BAIAP2L1: variants seen among roughly 807,000 people sequenced by gnomAD.
The protein encoded by BAIAP2L1 is BAR/IMD domain containing adaptor protein 2 like 1, also known as BAR/IMD domain-containing adapter protein 2-like 1.
A neutral mutation model predicts 66.3 loss-of-function variants in BAIAP2L1; 35 were observed. The ratio of observed to expected loss-of-function variants is 0.53; its 90% CI spans 0.40 to 0.70. The LOEUF is 0.70. BAIAP2L1 is among the 30% of genes least tolerant of loss of function. The pLI is 0.00. For synonymous variants in BAIAP2L1, 269 were observed against 248.7 expected (o/e 1.08, Z -0.77); for missense variants, 622 against 656.9 (o/e 0.95, Z 0.58).
intron 3 of BAIAP2L1, among the ~76,000 whole-genome samples, chr7:98,339,950 T>C (rs1801702632): frequency 6.6e-6 from 1 of 152,212 alleles, no homozygotes; most frequent in Admixed American, 6.5e-5. Flanking sequence ...GGCCCAGTTG[T>C]TGCAGCTCCT....
intron 3 of BAIAP2L1, among the ~76,000 whole-genome samples, chr7:98,348,857 T>A (rs1398553833): frequency 6.6e-6 from 1 of 152,132 alleles, no homozygotes; most frequent in East Asian, 1.9e-4. Context: ...TCACACAAGT[T>A]AACAGCAGGA....
At chr7:98,372,733 GTTTTTTTTT>G (rs34330041) in intron 1 of BAIAP2L1, among the ~76,000 whole-genome samples, 2 of 93,766 alleles carry the variant, frequency 2.1e-5, no homozygotes, top group African/African-American at 8.5e-5. Context: ...ATCGATTTTG[GTTTTTTTTT>G]TTTTTTTTTT....
At chr7:98,302,079 C>T (rs1244464542) in intron 12 of BAIAP2L1, among the ~76,000 whole-genome samples, 3 of 152,246 alleles carry the variant, frequency 2.0e-5, no homozygotes, top group East Asian at 3.9e-4. Flanking sequence ...ATCCAGCCAA[C>T]GAAGAGGTTT....
chr7:98,316,430 T>C (rs1224728879), intron 6 of BAIAP2L1, among the ~76,000 whole-genome samples: 2 of 152,186 alleles, frequency 1.3e-5, no homozygotes, highest in East Asian at 3.8e-4. Flanking sequence ...AGAGCCAGGA[T>C]AAAAAGCCCA....
At chr7:98,373,609 AC>A (rs1201301208) in intron 1 of BAIAP2L1, among the ~76,000 whole-genome samples, 16 of 152,170 alleles carry the variant, frequency 1.1e-4, no homozygotes, top group African/African-American at 3.6e-4. Context: ...GAATCATGAT[AC>A]TTTCTAGCTC....
At chr7:98,354,984 C>G (rs771458661) in intron 3 of BAIAP2L1, 58 bp downstream of exon 3, 31 of 1,343,378 alleles carry the variant, frequency 2.3e-5, no homozygotes, top group African/African-American at 5.8e-5. Flanking sequence ...CCACGCGTTT[C>G]TCTTGGGGTT....
chr7:98,317,124 A>T, intron 6 of BAIAP2L1, 95 bp downstream of exon 6: 1 of 1,506,322 alleles, frequency 6.6e-7, no homozygotes, highest in Non-Finnish European at 9.1e-7. Flanking sequence ...AAGTGCTGGG[A>T]TTACAGGCGT....
At chr7:98,390,556 G>A (rs570753112) in intron 1 of BAIAP2L1, among the ~76,000 whole-genome samples, 7 of 151,612 alleles carry the variant, frequency 4.6e-5, no homozygotes, top group South Asian at 2.1e-4. Flanking sequence ...GTGAAACCCC[G>A]TCTCTATTAA....
chr7:98,377,819 C>CAAA lies in BAIAP2L1; in HGVS notation c.52-15390_52-15388dup, dbSNP rs55633908. 8.8e-4 allele frequency among the ~76,000 whole-genome samples: 36 copies of CAAA among 40,778 alleles called. 4 individuals are homozygous for CAAA. The highest frequency in any genetic ancestry group is 2.2e-3 in the African/African-American group (18 of 8,058). The allele number at this position is 40,778 out of a possible 152,430, so 26.8% of individuals were successfully genotyped here. A position where few individuals can be genotyped will look rare whatever the true frequency, so the allele number is the denominator to read the frequency against. On this transcript the variant is annotated intron_variant, in intron 1 of 13. Transcript: ENST00000005260. The stretch of plus-strand genomic sequence containing the variant: ...TGGGCGACAGAGTGAGACTCAATCT[C>CAAA]AAAAAAAAAAAAAAAAAAAAAAAAA...
At chr7:98,395,249 C>T (rs1171452034) in intron 1 of BAIAP2L1, among the ~76,000 whole-genome samples, 1 of 151,914 alleles carries the variant, frequency 6.6e-6, no homozygotes, top group East Asian at 1.9e-4. Flanking sequence ...ACCAGCCTGA[C>T]CAACATGGTG....
At chr7:98,336,038 C>T (rs1002309356) in intron 3 of BAIAP2L1, among the ~76,000 whole-genome samples, 4 of 151,854 alleles carry the variant, frequency 2.6e-5, no homozygotes, top group Admixed American at 6.6e-5. Context: ...AGTGAATTAA[C>T]GCAGGAACAG....
chr7:98,311,097 T>C (rs545988933), intron 8 of BAIAP2L1, among the ~76,000 whole-genome samples: 14 of 152,244 alleles, frequency 9.2e-5, no homozygotes, highest in Non-Finnish European at 1.8e-4. Context: ...ACTACAAATG[T>C]GTGAATTCAT....
chr7:98,364,784 C>A (rs1444155692), intron 1 of BAIAP2L1, among the ~76,000 whole-genome samples: 1 of 150,886 alleles, frequency 6.6e-6, no homozygotes, highest in Non-Finnish European at 1.5e-5. Context: ...CAGGAGTTTG[C>A]GACCAACCTG....
In BAIAP2L1 at chr7:98,292,543, C is replaced by A; in HGVS notation, c.*978G>T. On this transcript the variant is annotated 3_prime_UTR_variant, in exon 14 of 14. Coordinates refer to ENST00000005260, the MANE Select transcript of BAIAP2L1 (RefSeq NM_018842.5). ...GCCAAAGATGATTTCCAGCCCCGGG[C>A]TCAGGGCAGCCAGTGCGTAGTCCTC... The A allele has an allele frequency of 8.3e-7, 1 of 1,211,586 alleles. No homozygotes were observed. Among genetic ancestry groups the A allele is most frequent in the Non-Finnish European group, 1.2e-6 (1 of 842,528 alleles). 75.1% of individuals were successfully genotyped at this position (1,211,586 alleles called of 1,614,324 possible). A position where few individuals can be genotyped will look rare whatever the true frequency, so the allele number is the denominator to read the frequency against.
At chr7:98,330,754 A>G (rs6948540) in intron 3 of BAIAP2L1, among the ~76,000 whole-genome samples, 61,295 of 152,056 alleles carry the variant, frequency 0.4, 13,331 homozygotes, top group Middle Eastern at 0.55. Flanking sequence ...CCCTCAGGAA[A>G]CTTCTACTCA....
chr7:98,335,614 T>C (rs1183910925), intron 3 of BAIAP2L1, among the ~76,000 whole-genome samples: 2 of 152,196 alleles, frequency 1.3e-5, no homozygotes, highest in Non-Finnish European at 2.9e-5. Flanking sequence ...ACTCATTCAG[T>C]CAATCAACAA....
At chr7:98,311,028 G>A (rs1800849914) in intron 8 of BAIAP2L1, among the ~76,000 whole-genome samples, 1 of 152,056 alleles carries the variant, frequency 6.6e-6, no homozygotes, top group Non-Finnish European at 1.5e-5. Flanking sequence ...GTGGATCCAT[G>A]TGTTCAAAGT....
intron 3 of BAIAP2L1, among the ~76,000 whole-genome samples, chr7:98,321,589 C>T (rs1478535878): frequency 6.6e-6 from 1 of 152,172 alleles, no homozygotes; most frequent in Non-Finnish European, 1.5e-5. Context: ...CAGCTCTCTG[C>T]CACCTTTCTA....
chr7:98,325,344 G>C (rs1332015203), intron 3 of BAIAP2L1, among the ~76,000 whole-genome samples: 1 of 151,242 alleles, frequency 6.6e-6, no homozygotes, highest in Non-Finnish European at 1.5e-5. Flanking sequence ...CTCCAGCCTG[G>C]GCAACAGAGC....
Sources: gnomAD v4.1 joint callset for allele counts (sites outside exome capture counted in the v4.1 genomes callset) on GRCh38, gnomAD v4.1.1 for gene constraint, MANE v1.5 for transcripts, NCBI Gene and HGNC (gene_info 2026-07-23, HGNC 2026-07-21) for gene names.